The following CACNA2D3 variants were observed in gnomAD, a reference collection of about 807,000 sequenced individuals.
CACNA2D3 encodes the protein voltage-dependent calcium channel subunit alpha-2/delta-3.
Under a neutral mutation model 160.6 loss-of-function variants are expected in CACNA2D3, and 60 were observed. That is an observed-to-expected ratio of 0.37 (90% CI 0.30 to 0.46). CACNA2D3 has a LOEUF of 0.46. Among genes scored for constraint, CACNA2D3 ranks in the 20% least tolerant of loss-of-function variants. The pLI is 1.00. For missense variants in CACNA2D3, 1,205 were observed against 1,365.0 expected, an observed-to-expected ratio of 0.88 and a Z score of 1.85; for synonymous variants, 558 against 492.9, an observed-to-expected ratio of 1.13 and a Z score of -1.75.
chr3:54,972,278 A>C (rs990673741), intron 29 of CACNA2D3, among the ~76,000 whole-genome samples: 2 of 152,138 alleles, frequency 1.3e-5, no homozygotes, highest in African/African-American at 4.8e-5. Flanking sequence ...CTGATGCTCA[A>C]ATATCCTGAG....
intron 4 of CACNA2D3, among the ~76,000 whole-genome samples, chr3:54,463,010 T>G (rs574231997): frequency 1.8e-4 from 27 of 151,646 alleles, no homozygotes; most frequent in South Asian, 6.4e-4. Flanking sequence ...GTCTTTAAAG[T>G]ATTTTATTTC....
chr3:55,033,659 TAG>T (rs1473050865), intron 35 of CACNA2D3, among the ~76,000 whole-genome samples: 1 of 127,596 alleles, frequency 7.8e-6, no homozygotes, highest in Non-Finnish European at 1.7e-5. Context: ...ATATATAAAA[TAG>T]ATATATAAAA....
At chr3:54,356,155 A>T (rs535812632) in intron 3 of CACNA2D3, among the ~76,000 whole-genome samples, 1 of 152,146 alleles carries the variant, frequency 6.6e-6, no homozygotes, top group Non-Finnish European at 1.5e-5. Context: ...TGAAATTTGG[A>T]CAGCTTTTGA....
In CACNA2D3 at chr3:54,514,782, G is replaced by A. The variant is rs148510203; in HGVS notation, c.544+11128G>A. 5.9e-3 allele frequency among the ~76,000 whole-genome samples: 897 copies of A among 152,246 alleles called. 9 individuals are homozygous for A. The highest frequency in any genetic ancestry group is 0.019 in the African/African-American group (801 of 41,542). On this transcript the variant is annotated intron_variant, in intron 5 of 37. Transcript: ENST00000474759. Reference sequence around the variant, plus strand: ...TTTAGCCAGGGGCTGGGGTGGGGTGGGAGGTGGAGAATATTGCAGTGGGAG... The same window carrying A: ...TTTAGCCAGGGGCTGGGGTGGGGTGAGAGGTGGAGAATATTGCAGTGGGAG...
At chr3:55,005,011 C>T (rs991445361) in intron 32 of CACNA2D3, among the ~76,000 whole-genome samples, 173 bp downstream of exon 32, 3 of 151,524 alleles carry the variant, frequency 2.0e-5, no homozygotes, top group Non-Finnish European at 4.4e-5. Context: ...CGCGGCAGCT[C>T]ATGCCCGTAA....
chr3:54,936,475 C>G (rs1185682931), intron 27 of CACNA2D3, among the ~76,000 whole-genome samples: 2 of 152,206 alleles, frequency 1.3e-5, no homozygotes, highest in African/African-American at 4.8e-5. Context: ...TATCATGCAA[C>G]TACCACTTTC....
intron 2 of CACNA2D3, among the ~76,000 whole-genome samples, chr3:54,275,802 G>A (rs141677620): frequency 0.042 from 6,431 of 152,030 alleles, 176 homozygotes; most frequent in Middle Eastern, 0.068. Context: ...GTTTTTAGTA[G>A]AGATGAGGTT....
chr3:54,456,512 C>G (rs1000654777), intron 4 of CACNA2D3, among the ~76,000 whole-genome samples: 4 of 151,662 alleles, frequency 2.6e-5, no homozygotes, highest in Non-Finnish European at 4.4e-5. Flanking sequence ...CAAACAGATT[C>G]TTTTGAGAAT....
chr3:54,689,010 A>AAAAAAAGAGAG (rs1553785965), intron 11 of CACNA2D3, among the ~76,000 whole-genome samples: 7 of 85,496 alleles, frequency 8.2e-5, no homozygotes, highest in African/African-American at 1.7e-4. Context: ...AAAAAAAAAA[A>AAAAAAAGAGAG]AGAATGAGGT....
chr3:55,061,061 T>G (rs1704494854), intron 35 of CACNA2D3, among the ~76,000 whole-genome samples: 1 of 152,216 alleles, frequency 6.6e-6, no homozygotes, highest in Admixed American at 6.5e-5. Context: ...GTGGAAGTCA[T>G]TATCATGGCT....
At chr3:54,244,215 A>G (rs1166125892) in intron 2 of CACNA2D3, among the ~76,000 whole-genome samples, 1 of 152,218 alleles carries the variant, frequency 6.6e-6, no homozygotes, top group Non-Finnish European at 1.5e-5. Context: ...CCATGGCTGC[A>G]GATGAGCAAA....
At chr3:55,073,601 T>A (rs758779944) in intron 36 of CACNA2D3, 44 bp downstream of exon 36, 4 of 1,490,582 alleles carry the variant, frequency 2.7e-6, no homozygotes, top group Non-Finnish European at 3.7e-6. Flanking sequence ...CGGAAACCAG[T>A]AAGGGGTATC....
intron 35 of CACNA2D3, among the ~76,000 whole-genome samples, chr3:55,065,945 ATATTTGTGTATTTCTCTTCCTG>A (rs1704625535): frequency 2.0e-5 from 3 of 152,136 alleles, no homozygotes; most frequent in Non-Finnish European, 4.4e-5. Flanking sequence ...TAAGGAGAAA[ATATTTGTGTATTTCTCTTCCTG>A]TCCACCTCCC....
intron 2 of CACNA2D3, among the ~76,000 whole-genome samples, chr3:54,265,646 G>GTATA (rs575779175): frequency 6.8e-6 from 1 of 146,808 alleles, no homozygotes; most frequent in African/African-American, 2.5e-5. Context: ...TATATAGTGT[G>GTATA]TATATATATA....
chr3:54,241,473 A>G (rs1701972775), intron 2 of CACNA2D3, among the ~76,000 whole-genome samples: 1 of 152,244 alleles, frequency 6.6e-6, no homozygotes. Context: ...AAGAAAGCCT[A>G]TTAATCAGCA....
At chr3:54,320,588 G>A (rs370285651) in intron 3 of CACNA2D3, 30 bp downstream of exon 3, 18 of 1,291,778 alleles carry the variant, frequency 1.4e-5, no homozygotes, top group Non-Finnish European at 1.7e-5. Flanking sequence ...GCCCTGTATC[G>A]CCTGAAGGCA....
intron 25 of CACNA2D3, among the ~76,000 whole-genome samples, chr3:54,893,820 C>T (rs1700123748): frequency 6.6e-6 from 1 of 152,108 alleles, no homozygotes; most frequent in South Asian, 2.1e-4. Flanking sequence ...CTTCTCACAT[C>T]ACATGCATAT....
chr3:54,890,770 G>C (rs1337874310), intron 24 of CACNA2D3, among the ~76,000 whole-genome samples: 1 of 152,210 alleles, frequency 6.6e-6, no homozygotes, highest in Non-Finnish European at 1.5e-5. Flanking sequence ...TTTGGGGTTG[G>C]TGGTGAGAAT....
rs1324470260 is a variant in CACNA2D3 at position 54,458,942 on chromosome 3, G to T, written c.382-44550G>T. Among the ~76,000 whole-genome samples, 6 of 151,916 alleles carry T rather than the reference G, an allele frequency of 3.9e-5. No homozygotes were observed. In the East Asian group the frequency reaches 9.7e-4, roughly 25 times the overall value. On this transcript the variant is annotated intron_variant, in intron 4 of 37. Coordinates refer to ENST00000474759, the MANE Select transcript of CACNA2D3 (RefSeq NM_018398.3). ...CCCAACTTCCCCCACCCCACAACAG[G>T]CCCCAGAGTGTGATGTTCCCCTTCC...
Sources: gnomAD v4.1 joint callset for allele counts (sites outside exome capture counted in the v4.1 genomes callset) on GRCh38, gnomAD v4.1.1 for gene constraint, MANE v1.5 for transcripts, NCBI Gene and HGNC (gene_info 2026-07-23, HGNC 2026-07-21) for gene names.